Variants in GPNMB observed in about 807,000 individuals in gnomAD.
GPNMB encodes glycoprotein nmb.
Under a neutral mutation model 57.3 loss-of-function variants are expected in GPNMB, and 71 were observed. The observed-to-expected ratio is 1.24, with a 90% confidence interval of 1.02 to 1.51. The LOEUF (loss-of-function observed/expected upper bound fraction) is 1.51, where lower values mean the gene tolerates loss of function less well. GPNMB is among the 40% of genes most tolerant of loss of function. GPNMB has a pLI of 0.00. For missense variants in GPNMB, 677 were observed against 691.9 expected, an observed-to-expected ratio of 0.98 and a Z score of 0.24; for synonymous variants, 253 against 263.2, an observed-to-expected ratio of 0.96 and a Z score of 0.38.
chr7:23,253,118 A>T (rs1782695523), intron 1 of GPNMB, among the ~76,000 whole-genome samples, 189 bp from the exon 2 acceptor site: 1 of 152,246 alleles, frequency 6.6e-6, no homozygotes, highest in Non-Finnish European at 1.5e-5. Context: ...ATAAAGACAT[A>T]GGGTCTGAAT....
In GPNMB at chr7:23,274,411, G is replaced by A. The variant is rs1451157720; in HGVS notation, c.*187G>A. 5.9e-6 allele frequency: 3 copies of A among 504,216 alleles called. No individual in the cohort carries two copies. Among genetic ancestry groups the A allele is most frequent in the African/African-American group, 4.0e-5 (2 of 50,532 alleles). 31.2% of individuals were successfully genotyped at this position (504,216 alleles called of 1,614,324 possible). A position where few individuals can be genotyped will look rare whatever the true frequency, so the allele number is the denominator to read the frequency against. ...AGGGATTATACTGCAGGCAGCTTCA[G>A]CCATGTTGTGAAACTGATAAAAGCA... is the stretch of plus-strand genomic sequence containing the variant. On this transcript the variant is annotated 3_prime_UTR_variant, in exon 11 of 11. Transcript: ENST00000258733.
intron 1 of GPNMB, among the ~76,000 whole-genome samples, chr7:23,248,223 G>A (rs919832090): frequency 1.3e-5 from 2 of 152,194 alleles, no homozygotes; most frequent in South Asian, 2.1e-4. Context: ...GGTGGGGATT[G>A]TTCCTACGGA....
intron 8 of GPNMB, 138 bp downstream of exon 8, chr7:23,268,126 C>G: frequency 1.6e-6 from 1 of 631,562 alleles, no homozygotes; most frequent in South Asian, 1.9e-5. Flanking sequence ...ACTGGTAACC[C>G]TAGACAGGAA....
intron 1 of GPNMB, chr7:23,247,775 C>CCGACTG (rs1326707717): frequency 2.0e-5 from 3 of 152,302 alleles, no homozygotes; most frequent in Non-Finnish European, 4.4e-5. Context: ...CCTCAGTCTC[C>CCGACTG]CGACTGCGAC....
intron 1 of GPNMB, among the ~76,000 whole-genome samples, chr7:23,249,404 A>T (rs1452808612): frequency 2.0e-5 from 3 of 152,244 alleles, no homozygotes; most frequent in Non-Finnish European, 2.9e-5. Flanking sequence ...GCAGAGCTCC[A>T]TCACCAAAGT....
intron 6 of GPNMB, among the ~76,000 whole-genome samples, chr7:23,265,635 A>T (rs907244599): frequency 6.6e-6 from 1 of 152,106 alleles, no homozygotes; most frequent in African/African-American, 2.4e-5. Context: ...ATCTTTTCCC[A>T]TATTACTGAA....
intron 9 of GPNMB, among the ~76,000 whole-genome samples, chr7:23,271,524 G>A (rs973283132): frequency 2.6e-5 from 4 of 152,174 alleles, no homozygotes; most frequent in Admixed American, 6.5e-5. Context: ...AGCTGGGCGC[G>A]GTGGCTCACG....
chr7:23,251,956 C>T (rs910600217), intron 1 of GPNMB, among the ~76,000 whole-genome samples: 20 of 152,132 alleles, frequency 1.3e-4, no homozygotes, highest in African/African-American at 4.8e-4. Context: ...CAGTCTGCTA[C>T]AATTCTCAAA....
At position 23,274,902 on chromosome 7, in the gene GPNMB, C is replaced by G. The variant is rs571424284; in HGVS notation, c.*678C>G. ...ACCAGGCATGATGCTGAGTGACACT[C>G]TTGTGTATATTTCCAAATTTTTGTA... On this transcript the variant is annotated 3_prime_UTR_variant, in exon 11 of 11. Transcript: ENST00000258733. The G allele has an allele frequency of 1.3e-5, 2 of 152,110 alleles. No homozygotes were observed. The highest frequency in any genetic ancestry group is 2.4e-5 in the African/African-American group (1 of 41,414). 9.4% of individuals were successfully genotyped at this position (152,110 alleles called of 1,614,324 possible).
chr7:23,260,634 T>G lies in GPNMB; in HGVS notation c.879T>G (p.Val293=). The G allele has an allele frequency of 6.2e-7, 1 of 1,614,138 alleles. No individual in the cohort carries two copies. Among genetic ancestry groups the G allele is most frequent in the Non-Finnish European group, 8.5e-7 (1 of 1,179,984 alleles). Residue 293 remains valine, a synonymous_variant, in exon 6 of 11, where the codon GTT becomes GTG. Coordinates refer to ENST00000258733, the MANE Select transcript of GPNMB (RefSeq NM_002510.3). ...TCGGGGATAATACTGGCCTGTTTGT[T>G]TCCACCAATCATACTGTGAATCACA... ...WSFGDNTGLF[V]STNHTVNHTY... is the part of the protein sequence containing the mutation.
At chr7:23,269,830 T>C (rs938204596) in intron 8 of GPNMB, 137 bp from the exon 9 acceptor site, 2 of 687,180 alleles carry the variant, frequency 2.9e-6, no homozygotes, top group African/African-American at 3.5e-5. Context: ...CAATTCAGCA[T>C]CTTATAGTTT....
At chr7:23,266,242 C>T (rs1783058011) in intron 6 of GPNMB, 1 of 403,404 alleles carries the variant, frequency 2.5e-6, no homozygotes, top group Non-Finnish European at 4.5e-6. Flanking sequence ...AGCCACTGCA[C>T]CCGGCCAGTT....
At chr7:23,262,692 C>A (rs1782956495) in intron 6 of GPNMB, among the ~76,000 whole-genome samples, 1 of 137,420 alleles carries the variant, frequency 7.3e-6, no homozygotes, top group Admixed American at 8.4e-5. Flanking sequence ...AATCTTGGCT[C>A]ACTGCAACCT....
intron 6 of GPNMB, among the ~76,000 whole-genome samples, chr7:23,262,753 T>G (rs1012406615): frequency 6.6e-6 from 1 of 151,532 alleles, no homozygotes; most frequent in Non-Finnish European, 1.5e-5. Context: ...CAAGTGGCTG[T>G]GGCTACAGGC....
intron 1 of GPNMB, chr7:23,247,948 A>C (rs1365000396): frequency 3.3e-5 from 5 of 152,298 alleles, no homozygotes; most frequent in African/African-American, 1.2e-4. Flanking sequence ...ACACGAGGCC[A>C]CGGGCCACAG....
chr7:23,266,681 C>G, intron 7 of GPNMB, 66 bp downstream of exon 7: 1 of 1,459,164 alleles, frequency 6.9e-7, no homozygotes, highest in South Asian at 1.2e-5. Context: ...CCCACTCTCT[C>G]TGCTAACTCT....
At chr7:23,252,953 GA>G (rs146409359) in intron 1 of GPNMB, among the ~76,000 whole-genome samples, 10 of 150,150 alleles carry the variant, frequency 6.7e-5, no homozygotes, top group South Asian at 2.1e-4. Context: ...TTCAGAATGG[GA>G]AAAAAAAATG....
intron 4 of GPNMB, chr7:23,257,323 A>G (rs778775027): frequency 7.1e-5 from 42 of 588,058 alleles, no homozygotes; most frequent in Non-Finnish European, 1.2e-4. Context: ...AAAACCACTT[A>G]ATTTTTTTCT....
At chr7:23,257,381 G>C in intron 4 of GPNMB, 1 of 519,318 alleles carries the variant, frequency 1.9e-6, no homozygotes, top group South Asian at 2.3e-5. Context: ...TTATTTGAAT[G>C]GCACATGGAG....
Sources: allele counts gnomAD v4.1 joint callset (sites outside exome capture counted in the v4.1 genomes callset), GRCh38; gene constraint gnomAD v4.1.1; transcripts MANE v1.5; gene names NCBI Gene and HGNC (gene_info 2026-07-23, HGNC 2026-07-21).